Variants in MACROD2 observed in about 807,000 individuals in gnomAD.
MACROD2 encodes the protein ADP-ribose glycohydrolase MACROD2.
A neutral mutation model predicts 70.4 loss-of-function variants in MACROD2; 36 were observed. That is an observed-to-expected ratio of 0.51 (90% CI 0.39 to 0.68). The LOEUF (loss-of-function observed/expected upper bound fraction) is 0.68. MACROD2 is among the 30% of genes least tolerant of loss of function. The probability of loss-of-function intolerance (pLI) is 0.00; values close to 1 mark genes in which losing one functional copy is unlikely to be tolerated. For synonymous variants in MACROD2, 172 were observed against 178.8 expected, an observed-to-expected ratio of 0.96 and a Z score of 0.30; for missense variants, 496 against 538.4, an observed-to-expected ratio of 0.92 and a Z score of 0.78.
chr20:14,742,911 C>A (rs1021671170), intron 5 of MACROD2, among the ~76,000 whole-genome samples: 1 of 150,514 alleles, frequency 6.6e-6, no homozygotes, highest in African/African-American at 2.4e-5. Context: ...GGTCTACAGG[C>A]GCCCGCCACT....
chr20:14,718,033 G>A (rs1372112416), intron 5 of MACROD2, among the ~76,000 whole-genome samples: 6 of 151,874 alleles, frequency 4.0e-5, no homozygotes, highest in Admixed American at 6.6e-5. Context: ...GGTGGCTCGC[G>A]CCTGTAATCC....
chr20:15,273,651 A>G (rs2077365447), intron 6 of MACROD2, among the ~76,000 whole-genome samples: 1 of 152,172 alleles, frequency 6.6e-6, no homozygotes, highest in South Asian at 2.1e-4. Flanking sequence ...AAGGGACAGT[A>G]TGGGTAGCTA....
intron 5 of MACROD2, among the ~76,000 whole-genome samples, chr20:14,835,243 A>C (rs1440179379): frequency 6.6e-6 from 1 of 152,076 alleles, no homozygotes; most frequent in African/African-American, 2.4e-5. Context: ...CAGGTTCAGG[A>C]ATCAGAGGAT....
intron 5 of MACROD2, among the ~76,000 whole-genome samples, chr20:14,837,839 A>G (rs899080967): frequency 6.6e-6 from 1 of 151,970 alleles, no homozygotes; most frequent in African/African-American, 2.4e-5. Context: ...TTCTATCTGG[A>G]TACATGCAAG....
chr20:14,344,766 AG>A (rs2083047293), intron 3 of MACROD2, among the ~76,000 whole-genome samples: 1 of 152,230 alleles, frequency 6.6e-6, no homozygotes, highest in East Asian at 1.9e-4. Context: ...AGAATAAAAA[AG>A]TGTGTCACTT....
At chr20:14,335,824 A>G (rs2082925776) in intron 3 of MACROD2, among the ~76,000 whole-genome samples, 1 of 152,010 alleles carries the variant, frequency 6.6e-6, no homozygotes, top group African/African-American at 2.4e-5. Context: ...CGTTTTTGTA[A>G]CTCTGTTTTT....
intron 6 of MACROD2, among the ~76,000 whole-genome samples, chr20:15,288,895 A>ATCTG (rs1398578016): frequency 1.8e-4 from 28 of 151,514 alleles, no homozygotes; most frequent in Non-Finnish European, 2.9e-4. Flanking sequence ...CTATCTATCT[A>ATCTG]TCTATCTATC....
intron 8 of MACROD2, among the ~76,000 whole-genome samples, chr20:15,729,831 C>CTTTGTTTTTTTTTTT (rs2050918720): frequency 1.5e-5 from 1 of 64,772 alleles, no homozygotes; most frequent in Non-Finnish European, 2.8e-5. Context: ...TTGGGTCATG[C>CTTTGTTTTTTTTTTT]TTTTTTTTTT....
chr20:15,994,944 G>C (rs1477958272), intron 15 of MACROD2, among the ~76,000 whole-genome samples: 1 of 152,138 alleles, frequency 6.6e-6, no homozygotes. Flanking sequence ...AGATGTGAAA[G>C]CAGTGTACTT....
intron 5 of MACROD2, among the ~76,000 whole-genome samples, chr20:14,945,977 G>T (rs1443212220): frequency 7.2e-5 from 11 of 152,124 alleles, no homozygotes; most frequent in Admixed American, 5.2e-4. Context: ...GGAGGCCGAG[G>T]TGGGTGGATC....
chr20:14,327,691 T>A, intron 3 of MACROD2: 1 of 624,094 alleles, frequency 1.6e-6, no homozygotes, highest in Non-Finnish European at 2.6e-6. Flanking sequence ...GGAGGGGGCA[T>A]AATAGGGTTT....
chr20:14,523,560 G>C (rs925444509), intron 4 of MACROD2: 28 of 152,116 alleles, frequency 1.8e-4, no homozygotes, highest in African/African-American at 6.3e-4. Context: ...TTCACCTAGG[G>C]TTCCTGGGCT....
intron 8 of MACROD2, among the ~76,000 whole-genome samples, chr20:15,617,798 T>G (rs1273966328): frequency 6.6e-6 from 1 of 152,112 alleles, no homozygotes; most frequent in African/African-American, 2.4e-5. Flanking sequence ...TGGTCTTCTG[T>G]GCTGGTTGTG....
In MACROD2 at chr20:15,175,325, G is replaced by A. The variant is rs12624805; in HGVS notation, c.419-54615G>A. 3.3e-5 allele frequency among the ~76,000 whole-genome samples: 5 copies of A among 151,502 alleles called. No homozygotes were observed. In the East Asian group the frequency reaches 9.7e-4, roughly 30 times the overall value. On this transcript the variant is annotated intron_variant, in intron 5 of 17. Coordinates refer to ENST00000684519, the MANE Select transcript of MACROD2 (RefSeq NM_001351661.2). ...GATAGCTTTAGGAGATATACCTAATGCTAAATGATGAGTTAATGGGTGCAG... is the reference window on the plus strand; with the variant it reads ...GATAGCTTTAGGAGATATACCTAATACTAAATGATGAGTTAATGGGTGCAG...
Position 15,951,253 on chromosome 20 carries a change from G to A in MACROD2, c.907+13709G>A, listed in dbSNP as rs146839354. On this transcript the variant is annotated intron_variant, in intron 12 of 17. Coordinates refer to ENST00000684519, the MANE Select transcript of MACROD2 (RefSeq NM_001351661.2). ...TGTTTTGCTCTGACTCTTTTCTAATGACATTTGTTGTCAGCTATTCTGCCA... is the reference window on the plus strand; with the variant it reads ...TGTTTTGCTCTGACTCTTTTCTAATAACATTTGTTGTCAGCTATTCTGCCA... Among the ~76,000 whole-genome samples, 935 of 150,414 alleles carry A rather than the reference G, an allele frequency of 6.2e-3. 8 individuals carry two copies. Among genetic ancestry groups the A allele is most frequent in the African/African-American group, 0.021 (858 of 40,964 alleles).
intron 3 of MACROD2, among the ~76,000 whole-genome samples, chr20:14,211,257 G>A (rs916207694): frequency 2.0e-5 from 3 of 152,060 alleles, no homozygotes; most frequent in Admixed American, 6.6e-5. Flanking sequence ...TTGTGACCTT[G>A]GACAAGTTAT....
chr20:14,609,257 G>T (rs1261645872), intron 4 of MACROD2, among the ~76,000 whole-genome samples: 1 of 150,124 alleles, frequency 6.7e-6, no homozygotes, highest in Admixed American at 6.6e-5. Flanking sequence ...GAAACAGAGA[G>T]AAGTTAGAGG....
At chr20:15,199,545 T>G (rs192991231) in intron 5 of MACROD2, among the ~76,000 whole-genome samples, 96 of 152,346 alleles carry the variant, frequency 6.3e-4, no homozygotes, top group Non-Finnish European at 1.0e-3. Flanking sequence ...GCACAATTCC[T>G]GGCAGTGGTA....
chr20:14,016,560 ATTTTGTATTAAG>A (rs991499222), intron 2 of MACROD2, among the ~76,000 whole-genome samples: 11 of 152,034 alleles, frequency 7.2e-5, no homozygotes, highest in Non-Finnish European at 1.5e-4. Flanking sequence ...TCTTTGATCC[ATTTTGTATTAAG>A]TTTTGTATAT....
Sources: gnomAD v4.1 joint callset for allele counts (sites outside exome capture counted in the v4.1 genomes callset) on GRCh38, gnomAD v4.1.1 for gene constraint, MANE v1.5 for transcripts, NCBI Gene and HGNC (gene_info 2026-07-23, HGNC 2026-07-21) for gene names.